Variants in DRC11 observed in about 807,000 individuals in gnomAD.
The protein encoded by DRC11 is IQ and AAA domain-containing protein 1.
At chr2:236,353,967 C>A in the DRC11 span, among the ~76,000 whole-genome samples, 218 of 152,192 alleles carry the variant, frequency 1.4e-3, 1 homozygote, top group African/African-American at 4.6e-3. This position sits in a 1 kb window ranked among gnomAD's most constrained non-coding sequence, Gnocchi z 5.0. Flanking sequence ...CTTGTAATAC[C>A]TTTTATGTAC....
chr2:236,495,085 G>A, the DRC11 span, among the ~76,000 whole-genome samples: 1 of 152,226 alleles, frequency 6.6e-6, no homozygotes, highest in East Asian at 1.9e-4. This position sits in a 1 kb window ranked among gnomAD's most constrained non-coding sequence, Gnocchi z 5.6. Context: ...GCTCATGCCT[G>A]TAATCCCAGC....
the DRC11 span, among the ~76,000 whole-genome samples, chr2:236,374,094 G>A: frequency 2.0e-5 from 3 of 152,076 alleles, no homozygotes; most frequent in East Asian, 1.9e-4. Flanking sequence ...ACATTACCTG[G>A]CCCATTGCTC....
the DRC11 span, among the ~76,000 whole-genome samples, chr2:236,433,064 G>A: frequency 6.1e-3 from 930 of 151,312 alleles, 10 homozygotes; most frequent in African/African-American, 0.021. Flanking sequence ...ATAAATTTCC[G>A]TATGTATTTG....
the DRC11 span, among the ~76,000 whole-genome samples, chr2:236,346,524 A>G: frequency 6.6e-6 from 1 of 152,198 alleles, no homozygotes; most frequent in Non-Finnish European, 1.5e-5. Context: ...GAGGCAGCCT[A>G]TGCGGGTTCC....
chr2:236,324,815 A>G, the DRC11 span: 1 of 1,484,058 alleles, frequency 6.7e-7, no homozygotes. This position sits in a 1 kb window ranked among gnomAD's most constrained non-coding sequence, Gnocchi z 5.7. Flanking sequence ...GGAAAAGGTC[A>G]GAATGACACC....
the DRC11 span, among the ~76,000 whole-genome samples, chr2:236,326,998 G>T: frequency 6.6e-6 from 1 of 152,076 alleles, no homozygotes; most frequent in Non-Finnish European, 1.5e-5. Context: ...GGGATTACAG[G>T]TGTGAGCCAC....
the DRC11 span, among the ~76,000 whole-genome samples, chr2:236,495,159 A>G: frequency 6.6e-6 from 1 of 152,128 alleles, no homozygotes; most frequent in Non-Finnish European, 1.5e-5. This position sits in a 1 kb window ranked among gnomAD's most constrained non-coding sequence, Gnocchi z 5.6. Context: ...CCTGGTCAAC[A>G]TGGTGAAACC....
At chr2:236,469,172 A>T in the DRC11 span, among the ~76,000 whole-genome samples, 1 of 152,104 alleles carries the variant, frequency 6.6e-6, no homozygotes, top group Non-Finnish European at 1.5e-5. The surrounding 1 kb of genome is among the most constrained non-coding windows in gnomAD (Gnocchi z 5.8). Context: ...GCGTTTCTTT[A>T]TTCATGTCCA....
chr2:236,437,023 G>T, the DRC11 span, among the ~76,000 whole-genome samples: 4 of 151,424 alleles, frequency 2.6e-5, no homozygotes, highest in African/African-American at 9.7e-5. Flanking sequence ...CATGTGCCAT[G>T]CTGGTGTGCT....
At chr2:236,324,586 ATCTTT>A in the DRC11 span, 1 of 714,380 alleles carries the variant, frequency 1.4e-6, no homozygotes. This position sits in a 1 kb window ranked among gnomAD's most constrained non-coding sequence, Gnocchi z 5.7. Context: ...GCAATGGTGA[ATCTTT>A]TCTTTGGCGA....
the DRC11 span, among the ~76,000 whole-genome samples, chr2:236,371,258 G>T: frequency 6.6e-6 from 1 of 152,102 alleles, no homozygotes; most frequent in Non-Finnish European, 1.5e-5. The surrounding 1 kb of genome is among the most constrained non-coding windows in gnomAD (Gnocchi z 5.1). Context: ...TGGAGCAACG[G>T]AATAGGCAAC....
chr2:236,350,914 G>A, the DRC11 span, among the ~76,000 whole-genome samples: 1 of 152,156 alleles, frequency 6.6e-6, no homozygotes, highest in Non-Finnish European at 1.5e-5. The surrounding 1 kb of genome is among the most constrained non-coding windows in gnomAD (Gnocchi z 5.2). Flanking sequence ...AAGAAGATGG[G>A]CATGGAAACT....
At chr2:236,331,846 G>A in the DRC11 span, 3 of 478,760 alleles carry the variant, frequency 6.3e-6, no homozygotes, top group East Asian at 3.3e-5. The surrounding 1 kb of genome is among the most constrained non-coding windows in gnomAD (Gnocchi z 4.8). Flanking sequence ...AAATTAACAA[G>A]GAGAAACACA....
chr2:236,373,432 G>A, the DRC11 span, among the ~76,000 whole-genome samples: 1 of 151,754 alleles, frequency 6.6e-6, no homozygotes, highest in African/African-American at 2.4e-5. Context: ...TGTAATTTTT[G>A]CAGAGATGGT....
chr2:236,480,791 T>C, the DRC11 span, among the ~76,000 whole-genome samples: 2 of 152,220 alleles, frequency 1.3e-5, no homozygotes, highest in Admixed American at 6.5e-5. Context: ...TGTTGGTGTA[T>C]GTCTATGTAT....
the DRC11 span, chr2:236,497,475 CTTA>C: frequency 4.4e-6 from 7 of 1,603,944 alleles, no homozygotes; most frequent in Non-Finnish European, 5.1e-6. This position sits in a 1 kb window ranked among gnomAD's most constrained non-coding sequence, Gnocchi z 5.1. Context: ...GATGCCACAT[CTTA>C]TTATACATTC....
chr2:236,469,526 T>C, the DRC11 span, among the ~76,000 whole-genome samples: 1 of 152,234 alleles, frequency 6.6e-6, no homozygotes, highest in South Asian at 2.1e-4. The surrounding 1 kb of genome is among the most constrained non-coding windows in gnomAD (Gnocchi z 5.8). Context: ...TAATGAAGAA[T>C]CCAGCAGTGA....
At chr2:236,412,090 C>T in the DRC11 span, among the ~76,000 whole-genome samples, 13 of 151,988 alleles carry the variant, frequency 8.6e-5, no homozygotes, top group African/African-American at 3.1e-4. Flanking sequence ...GGATGGGGGT[C>T]TCCCTATGTT....
the DRC11 span, among the ~76,000 whole-genome samples, chr2:236,469,802 A>G: frequency 6.6e-6 from 1 of 152,252 alleles, no homozygotes; most frequent in African/African-American, 2.4e-5. The surrounding 1 kb of genome is among the most constrained non-coding windows in gnomAD (Gnocchi z 5.8). Flanking sequence ...TTGTTAACTC[A>G]CTGCATAAAC....
Sources: allele counts gnomAD v4.1 joint callset (sites outside exome capture counted in the v4.1 genomes callset), GRCh38; gene constraint gnomAD v4.1.1; non-coding constraint Gnocchi (gnomAD v3.1); transcripts MANE v1.5; gene names NCBI Gene and HGNC (gene_info 2026-07-23, HGNC 2026-07-21).